CCKAR: variants seen among roughly 807,000 people sequenced by gnomAD.
The protein encoded by CCKAR is cholecystokinin receptor type A.
Under a neutral mutation model 29.8 loss-of-function variants are expected in CCKAR, and 21 were observed. That is an observed-to-expected ratio of 0.70 (90% CI 0.50 to 1.01). The LOEUF (loss-of-function observed/expected upper bound fraction) is 1.01. CCKAR is among the 50% of genes least tolerant of loss of function. The pLI, the probability that CCKAR is intolerant of heterozygous loss-of-function variation, is 0.00. For missense variants in CCKAR, 570 were observed against 560.6 expected (o/e 1.02, Z -0.17); for synonymous variants, 238 against 221.3 (o/e 1.08, Z -0.67).
chr4:26,489,288 C>T lies in CCKAR; in HGVS notation c.309G>A (p.Leu103=). The change falls in exon 2 of 5, where the codon CTG becomes CTA. Residue 103 remains leucine (L), a synonymous_variant. Coordinates refer to ENST00000295589, the MANE Select transcript of CCKAR (RefSeq NM_000730.3). ...FCMPFNLIPN[L]LKDFIFGSAV... The stretch of plus-strand genomic sequence containing the variant: ...CGCTCCCGAAGATGAAATCCTTGAG[C>T]AGATTGGGGATGAGGTTGAACGGCA... 1 of 1,614,074 alleles carries T rather than the reference C, an allele frequency of 6.2e-7. No individual in the cohort carries two copies. The highest frequency in any genetic ancestry group is 8.5e-7 in the Non-Finnish European group (1 of 1,180,008).
chr4:26,485,732 G>A lies in CCKAR; in HGVS notation c.531C>T (p.Pro177=). The change falls in exon 3 of 5, where the codon CCC becomes CCT. Residue 177 remains proline (P), a synonymous_variant. Transcript: ENST00000295589. ...TAAAAGGCACCAAGTTGCTATAAAT[G>A]GGGTACGGAGTCATGATGGTAAAGG... The part of the protein sequence containing the change: ...CLSFTIMTPY[P]IYSNLVPFTK... The A allele has an allele frequency of 1.2e-6, 2 of 1,614,120 alleles. No homozygotes were observed. The highest frequency in any genetic ancestry group is 8.5e-7 in the Non-Finnish European group (1 of 1,180,002).
At position 26,487,324 on chromosome 4, in the gene CCKAR, C is replaced by T. The variant is rs547462793; in HGVS notation, c.365-1426G>A. ...CTTAGAGTCTTAAAAAAGTCTATGA[C>T]CCCCAAACCATTAACTAAAAACTCA... On this transcript the variant is annotated intron_variant, in intron 2 of 4. Coordinates refer to ENST00000295589, the MANE Select transcript of CCKAR (RefSeq NM_000730.3). Among the ~76,000 whole-genome samples the T allele has an allele frequency of 3.3e-5, 5 of 152,218 alleles. No homozygotes were observed. The East Asian group carries it at 9.6e-4, about 29-fold the overall frequency.
In CCKAR at chr4:26,485,784, T is replaced by C. The variant is rs772383935; in HGVS notation, c.479A>G (p.Lys160Arg). Residue 160 changes from lysine (K) to arginine (R), a missense_variant, in exon 3 of 5, where the codon AAG (lysine) becomes AGG (arginine). By Grantham distance (26) the Lys-to-Arg change is conservative. Coordinates refer to ENST00000295589, the MANE Select transcript of CCKAR (RefSeq NM_000730.3). ...RVWQTKSHAL[K>R]VIAATWCLSF... is the part of the protein sequence containing the mutation. ...AAGGCACCAGGTAGCAGCAATCACC[T>C]TCAAAGCATGGGATTTTGTCTGCCA... The C allele has an allele frequency of 6.2e-7, 1 of 1,614,142 alleles. No individual in the cohort carries two copies. Among genetic ancestry groups the C allele is most frequent in the Non-Finnish European group, 8.5e-7 (1 of 1,180,026 alleles).
rs759109607 is a variant in CCKAR, at chr4:26,490,242, A to C, written c.26T>G (p.Val9Gly). The C allele has an allele frequency of 6.2e-7, 1 of 1,613,090 alleles. No individual in the cohort carries two copies. Among genetic ancestry groups the C allele is most frequent in the African/African-American group, 1.3e-5 (1 of 74,818 alleles). MDVVDSLLVNGSNITPPCE... is the reference protein window; with the variant it reads MDVVDSLLGNGSNITPPCE... ...GGGAGGAGTGATGTTGCTTCCATTCACAAGAAGGCTGTCAACCACATCCAT... is the reference window on the plus strand; with the variant it reads ...GGGAGGAGTGATGTTGCTTCCATTCCCAAGAAGGCTGTCAACCACATCCAT... The change falls in exon 1 of 5, where the codon GTG becomes GGG. Residue 9 changes from valine to glycine, a missense_variant. Val to Gly is a moderately radical substitution (Grantham distance 109). Coordinates refer to ENST00000295589, the MANE Select transcript of CCKAR (RefSeq NM_000730.3).
rs56270760 is a variant in CCKAR at position 26,482,217 on chromosome 4, C to T, written c.755-47G>A. On this transcript the variant is annotated intron_variant, in intron 4 of 4. Coordinates refer to ENST00000295589, the MANE Select transcript of CCKAR (RefSeq NM_000730.3). Reference sequence around the variant, plus strand: ...CTCATTGCTGGGGATGGGTCATGCCCGGTAGAAGGCATGGAGCCCCCACTC... The same window carrying T: ...CTCATTGCTGGGGATGGGTCATGCCTGGTAGAAGGCATGGAGCCCCCACTC... 1.2e-3 allele frequency: 1,825 copies of T among 1,538,772 alleles called. 30 individuals are homozygous for T. The East Asian group carries it at 0.034, about 29-fold the overall frequency.
intron 4 of CCKAR, among the ~76,000 whole-genome samples, chr4:26,482,429 G>T (rs1470707544): frequency 6.6e-6 from 1 of 152,148 alleles, no homozygotes; most frequent in Non-Finnish European, 1.5e-5. Flanking sequence ...AATTATTAAA[G>T]AATGAATATT....
At chr4:26,486,400 C>T (rs1737450983) in intron 2 of CCKAR, among the ~76,000 whole-genome samples, 1 of 152,154 alleles carries the variant, frequency 6.6e-6, no homozygotes, top group Non-Finnish European at 1.5e-5. Flanking sequence ...TGAGTACATA[C>T]TGTTCTTAAT....
chr4:26,489,804 G>A lies in CCKAR; in HGVS notation c.113-320C>T, dbSNP rs542730815. On this transcript the variant is annotated intron_variant, in intron 1 of 4. Coordinates refer to ENST00000295589, the MANE Select transcript of CCKAR (RefSeq NM_000730.3). ...ATTTCACTTTAATCACTTCATGCTG[G>A]GTTTCCCCCCAAGAAAAGAAAACAG... 2.0e-5 allele frequency among the ~76,000 whole-genome samples: 3 copies of A among 152,072 alleles called. No individual in the cohort carries two copies. In the South Asian group the frequency reaches 6.2e-4, roughly 32 times the overall value.
At chr4:26,484,515 A>G (rs1737409792) in intron 3 of CCKAR, among the ~76,000 whole-genome samples, 1 of 152,200 alleles carries the variant, frequency 6.6e-6, no homozygotes, top group Admixed American at 6.5e-5. Flanking sequence ...CCACCCAATG[A>G]GGTAGATTTT....
rs771196857 is a variant in CCKAR at position 26,489,405 on chromosome 4, GGTGATGACCAGC to G, written c.180_191del (p.Leu61_Thr64del). ...GCATCCGCTTGTTCCGAATCAGCACGGTGATGACCAGCGTGTTTCCCAGCACGCTGAGCAGGA... is the reference window on the plus strand; with the variant it reads ...GCATCCGCTTGTTCCGAATCAGCACGGTGTTTCCCAGCACGCTGAGCAGGA... On this transcript the variant is annotated inframe_deletion, in exon 2 of 5. Coordinates refer to ENST00000295589, the MANE Select transcript of CCKAR (RefSeq NM_000730.3). 5 of 1,614,182 alleles carry G rather than the reference GGTGATGACCAGC, an allele frequency of 3.1e-6. No individual in the cohort carries two copies. The Admixed American group carries it at 8.3e-5, about 27-fold the overall frequency.
At chr4:26,486,708 G>A (rs554104451) in intron 2 of CCKAR, among the ~76,000 whole-genome samples, 1 of 152,300 alleles carries the variant, frequency 6.6e-6, no homozygotes, top group East Asian at 1.9e-4. Flanking sequence ...GAGGTCAGGA[G>A]CTTGAGACCA....
At chr4:26,485,194 CAA>C (rs11308927) in intron 3 of CCKAR, among the ~76,000 whole-genome samples, 6,859 of 105,408 alleles carry the variant, frequency 0.065, 563 homozygotes, top group African/African-American at 0.2. Context: ...AATTCCGTCT[CAA>C]AAAAAAAAAA....
chr4:26,483,144 C>A lies in CCKAR; in HGVS notation c.754+12G>T. 6.2e-7 allele frequency: 1 copy of A among 1,612,884 alleles called. No individual in the cohort carries two copies. Among genetic ancestry groups the A allele is most frequent in the Non-Finnish European group, 8.5e-7 (1 of 1,179,572 alleles). ...CTCATTTGGCATAAACACACAGCTA[C>A]AAGATAGTTACCTTTAGCAGACTTC... On this transcript the variant is annotated intron_variant, in intron 4 of 4. Coordinates refer to ENST00000295589, the MANE Select transcript of CCKAR (RefSeq NM_000730.3).
At position 26,489,889 on chromosome 4, in the gene CCKAR, T is replaced by G. The variant is rs895279653; in HGVS notation, c.112+267A>C. ...TAAGTTCAGGCTTTGACACTTGTAG[T>G]CCCTCTTGCTTCACTCAGCTTTTCC... On this transcript the variant is annotated intron_variant, in intron 1 of 4. Coordinates refer to ENST00000295589, the MANE Select transcript of CCKAR (RefSeq NM_000730.3). 2.0e-5 allele frequency among the ~76,000 whole-genome samples: 3 copies of G among 152,232 alleles called. No homozygotes were observed. The East Asian group carries it at 5.9e-4, about 30-fold the overall frequency.
chr4:26,490,346 C>A lies in CCKAR; in HGVS notation c.-79G>T, dbSNP rs1469706066. On this transcript the variant is annotated 5_prime_UTR_variant, in exon 1 of 5. Transcript: ENST00000295589. Reference sequence around the variant, plus strand: ...CGGCTCATTCCTCTAATGACCGAAGCGTCTCGCAGATGCAACCTGCCGTGG... The same window carrying A: ...CGGCTCATTCCTCTAATGACCGAAGAGTCTCGCAGATGCAACCTGCCGTGG... The A allele has an allele frequency of 1.0e-6, 1 of 967,274 alleles. No individual in the cohort carries two copies. The highest frequency in any genetic ancestry group is 1.6e-6 in the Non-Finnish European group (1 of 607,048). The allele number at this position is 967,274 out of a possible 1,614,324, so 59.9% of individuals were successfully genotyped here. A position where few individuals can be genotyped will look rare whatever the true frequency, so the allele number is the denominator to read the frequency against.
At chr4:26,487,000 T>C (rs1737464622) in intron 2 of CCKAR, among the ~76,000 whole-genome samples, 1 of 152,234 alleles carries the variant, frequency 6.6e-6, no homozygotes, top group Admixed American at 6.5e-5. Flanking sequence ...CAAAATCATG[T>C]GCTTCGGCAT....
intron 2 of CCKAR, 137 bp from the exon 3 acceptor site, chr4:26,486,035 GTA>G: frequency 1.4e-6 from 1 of 725,848 alleles, no homozygotes; most frequent in Non-Finnish European, 2.2e-6. Context: ...TATTGTGTAT[GTA>G]TATTTTTAAA....
chr4:26,489,763 C>T (rs1737521699), intron 1 of CCKAR, among the ~76,000 whole-genome samples: 3 of 152,188 alleles, frequency 2.0e-5, no homozygotes, highest in African/African-American at 7.2e-5. Flanking sequence ...ACTTTCTTTC[C>T]TGGCTGCTAA....
intron 3 of CCKAR, among the ~76,000 whole-genome samples, chr4:26,484,699 G>T (rs1278878585): frequency 6.6e-6 from 1 of 151,988 alleles, no homozygotes; most frequent in East Asian, 1.9e-4. Context: ...GCAGCTCTAA[G>T]AAAAACCATG....
Sources: allele counts gnomAD v4.1 joint callset (sites outside exome capture counted in the v4.1 genomes callset), GRCh38; gene constraint gnomAD v4.1.1; transcripts MANE v1.5; gene names NCBI Gene and HGNC (gene_info 2026-07-23, HGNC 2026-07-21).